Variants in CPNE4 observed in about 807,000 individuals in gnomAD.
The protein encoded by CPNE4 is copine-4.
CPNE4 carries 25 observed loss-of-function variants against 67.9 expected under a neutral mutation model. That is an observed-to-expected ratio of 0.37 (90% CI 0.27 to 0.51). The LOEUF (loss-of-function observed/expected upper bound fraction) is 0.51. Among genes scored for constraint, CPNE4 ranks in the 20% least tolerant of loss-of-function variants. The pLI, the probability that CPNE4 is intolerant of heterozygous loss-of-function variation, is 0.93. For missense variants in CPNE4, 464 were observed against 690.8 expected (o/e 0.67, Z 3.68); for synonymous variants, 242 against 244.9 (o/e 0.99, Z 0.11).
At chr3:131,950,260 C>G (rs775669816) in intron 1 of CPNE4, among the ~76,000 whole-genome samples, 4 of 152,160 alleles carry the variant, frequency 2.6e-5, no homozygotes, top group Non-Finnish European at 5.9e-5. Flanking sequence ...GAACTCACAG[C>G]CACTTAACTG....
intron 2 of CPNE4, among the ~76,000 whole-genome samples, chr3:131,751,189 C>T (rs1373928375): frequency 6.6e-6 from 1 of 152,012 alleles, no homozygotes; most frequent in Admixed American, 6.6e-5. Flanking sequence ...AGGTTTACAT[C>T]TTGTCAAATT....
chr3:131,559,119 G>A (rs963174685), intron 11 of CPNE4, among the ~76,000 whole-genome samples: 8 of 152,142 alleles, frequency 5.3e-5, no homozygotes, highest in Middle Eastern at 3.4e-3. Flanking sequence ...CCTTTTGCAA[G>A]TCAGGTAGTT....
At chr3:131,961,066 A>G (rs770277564) in intron 1 of CPNE4, among the ~76,000 whole-genome samples, 14 of 152,244 alleles carry the variant, frequency 9.2e-5, no homozygotes, top group Non-Finnish European at 1.3e-4. Context: ...CTCTAAGACC[A>G]CAGAGGTAAT....
intron 2 of CPNE4, among the ~76,000 whole-genome samples, chr3:131,820,071 T>C (rs1350464926): frequency 1.3e-5 from 2 of 152,196 alleles, no homozygotes; most frequent in Non-Finnish European, 2.9e-5. Context: ...TTTGTTACAA[T>C]GGGAAAAATA....
intron 1 of CPNE4, among the ~76,000 whole-genome samples, chr3:132,000,471 C>T (rs1328489719): frequency 6.6e-6 from 1 of 151,352 alleles, no homozygotes; most frequent in African/African-American, 2.4e-5. Flanking sequence ...GAGGAAGTAA[C>T]AGTCGATAAA....
chr3:131,792,623 A>ATATACACGTGTATATATG (rs2083762417), intron 2 of CPNE4, among the ~76,000 whole-genome samples: 1 of 76,046 alleles, frequency 1.3e-5, no homozygotes, highest in African/African-American at 4.9e-5. Context: ...ATATATGTAT[A>ATATACACGTGTATATATG]TATATATACA....
chr3:131,709,394 A>C (rs141182297), intron 3 of CPNE4, among the ~76,000 whole-genome samples: 19 of 152,270 alleles, frequency 1.2e-4, no homozygotes, highest in African/African-American at 4.6e-4. Flanking sequence ...TAGCAGCAAG[A>C]GATCCCAGCA....
At chr3:131,546,921 T>A (rs6762026) in intron 14 of CPNE4, among the ~76,000 whole-genome samples, 2,817 of 152,298 alleles carry the variant, frequency 0.018, 75 homozygotes, top group African/African-American at 0.064. Context: ...GTGTATTTTT[T>A]AAGTCTATTT....
At chr3:131,679,891 A>G (rs2080694959) in intron 6 of CPNE4, among the ~76,000 whole-genome samples, 1 of 152,168 alleles carries the variant, frequency 6.6e-6, no homozygotes, top group Non-Finnish European at 1.5e-5. Context: ...TGGTGAGAAG[A>G]ATGTATATTC....
At chr3:131,792,847 A>G (rs2083810102) in intron 2 of CPNE4, among the ~76,000 whole-genome samples, 1 of 148,190 alleles carries the variant, frequency 6.7e-6, no homozygotes, top group African/African-American at 2.5e-5. Flanking sequence ...GTGTGTATAT[A>G]CATACATACA....
chr3:131,575,906 G>GATTTAC (rs1436550965), intron 9 of CPNE4, among the ~76,000 whole-genome samples: 1 of 152,078 alleles, frequency 6.6e-6, no homozygotes, highest in Non-Finnish European at 1.5e-5. Flanking sequence ...GTACCTTAGG[G>GATTTAC]ATTTCTGGTC....
intron 7 of CPNE4, among the ~76,000 whole-genome samples, chr3:131,589,130 T>C (rs1011894235): frequency 6.6e-6 from 1 of 152,120 alleles, no homozygotes; most frequent in African/African-American, 2.4e-5. Flanking sequence ...TTGGGGAGAA[T>C]TGGCTCGCAC....
At chr3:132,030,052 A>G (rs1213739174) in intron 1 of CPNE4, among the ~76,000 whole-genome samples, 1 of 151,652 alleles carries the variant, frequency 6.6e-6, no homozygotes, top group African/African-American at 2.4e-5. Flanking sequence ...CACTGGCTCC[A>G]AGAGACAGCA....
chr3:131,929,217 A>AC (rs1560617854), intron 1 of CPNE4, among the ~76,000 whole-genome samples: 2 of 97,336 alleles, frequency 2.1e-5, no homozygotes, highest in Non-Finnish European at 4.1e-5. Flanking sequence ...AAAAAAAAAA[A>AC]AGATTTTCAG....
At chr3:131,585,700 G>C (rs1217559361) in intron 8 of CPNE4, among the ~76,000 whole-genome samples, 1 of 152,190 alleles carries the variant, frequency 6.6e-6, no homozygotes, top group Non-Finnish European at 1.5e-5. Context: ...AACTCTAGCA[G>C]GTGGTATGAA....
chr3:131,932,829 C>T (rs1016438074), intron 1 of CPNE4, among the ~76,000 whole-genome samples: 1 of 152,036 alleles, frequency 6.6e-6, no homozygotes, highest in Non-Finnish European at 1.5e-5. Context: ...ACCAGCCTGG[C>T]CAACATGGTG....
chr3:131,558,264 C>T (rs1218130771), intron 11 of CPNE4, among the ~76,000 whole-genome samples: 1 of 152,006 alleles, frequency 6.6e-6, no homozygotes, highest in East Asian at 1.9e-4. Flanking sequence ...TGGATTTAAA[C>T]ATCCATTATT....
chr3:131,650,697 A>G (rs1029495289), intron 7 of CPNE4, among the ~76,000 whole-genome samples: 3 of 131,528 alleles, frequency 2.3e-5, no homozygotes, highest in African/African-American at 1.0e-4. Context: ...GTGAGCCGAG[A>G]TCGCGCCACT....
rs375953633 is a variant in CPNE4 at position 131,943,117 on chromosome 3, C to T, written c.-1-37673G>A. 4.6e-5 allele frequency among the ~76,000 whole-genome samples: 7 copies of T among 152,236 alleles called. No homozygotes were observed. In the East Asian group the frequency reaches 1.4e-3, roughly 29 times the overall value. On this transcript the variant is annotated intron_variant, in intron 1 of 15. Transcript: ENST00000429747. ...TATAAAGTATAATTTGTAACACCCACGGAGGGCATTATATCACCTCTTGCA... is the reference window on the plus strand; with the variant it reads ...TATAAAGTATAATTTGTAACACCCATGGAGGGCATTATATCACCTCTTGCA...
Sources: gnomAD v4.1 joint callset for allele counts (sites outside exome capture counted in the v4.1 genomes callset) on GRCh38, gnomAD v4.1.1 for gene constraint, MANE v1.5 for transcripts, NCBI Gene and HGNC (gene_info 2026-07-23, HGNC 2026-07-21) for gene names.